EIF2S1: variants seen among roughly 807,000 people sequenced by gnomAD.
The protein encoded by EIF2S1 is eukaryotic translation initiation factor 2 subunit alpha.
Under a neutral mutation model 33.5 loss-of-function variants are expected in EIF2S1, and 5 were observed. That is an observed-to-expected ratio of 0.15 (90% CI 0.08 to 0.31). The LOEUF is 0.31. Ranked by LOEUF, EIF2S1 falls within the 10% of genes least tolerant of loss-of-function variation. The probability of loss-of-function intolerance (pLI) is 1.00; values close to 1 mark genes in which losing one functional copy is unlikely to be tolerated. For synonymous variants in EIF2S1, 99 were observed against 127.5 expected (o/e 0.78, Z 1.51); for missense variants, 191 against 384.6 (o/e 0.50, Z 4.21).
intron 2 of EIF2S1, among the ~76,000 whole-genome samples, chr14:67,369,016 T>C (rs377691961): frequency 6.6e-6 from 1 of 152,226 alleles, no homozygotes; most frequent in South Asian, 2.1e-4. Flanking sequence ...GGTATTCAAT[T>C]ATTCAGTTAT....
At chr14:67,375,578 A>G (rs372539364) in intron 3 of EIF2S1, among the ~76,000 whole-genome samples, 45 of 152,180 alleles carry the variant, frequency 3.0e-4, no homozygotes, top group African/African-American at 9.2e-4. Flanking sequence ...ATCTTGCTTA[A>G]TCCCAGTAAG....
At chr14:67,367,448 C>G (rs1200538043) in intron 2 of EIF2S1, among the ~76,000 whole-genome samples, 1 of 152,204 alleles carries the variant, frequency 6.6e-6, no homozygotes, top group Non-Finnish European at 1.5e-5. Flanking sequence ...CCAGAATGGT[C>G]TTGATCTCCT....
chr14:67,372,584 A>G (rs907235879), intron 2 of EIF2S1, among the ~76,000 whole-genome samples: 3 of 152,232 alleles, frequency 2.0e-5, no homozygotes, highest in Admixed American at 2.0e-4. Flanking sequence ...TTATCCCAGC[A>G]CTTTGGGAGG....
intron 2 of EIF2S1, among the ~76,000 whole-genome samples, chr14:67,372,820 C>A: frequency 6.8e-6 from 1 of 146,396 alleles, no homozygotes; most frequent in African/African-American, 2.6e-5. Context: ...GAGCAAGACT[C>A]CATCTCAAAA....
At chr14:67,377,830 A>G (rs906791861) in intron 4 of EIF2S1, among the ~76,000 whole-genome samples, 4 of 152,042 alleles carry the variant, frequency 2.6e-5, no homozygotes, top group African/African-American at 7.2e-5. Flanking sequence ...ACACTTGGCT[A>G]TGTGTGGTAG....
intron 5 of EIF2S1, 131 bp from the exon 6 acceptor site, chr14:67,381,462 A>G: frequency 4.3e-6 from 2 of 469,982 alleles, no homozygotes; most frequent in Non-Finnish European, 7.8e-6. Flanking sequence ...TAAATAAGGA[A>G]CTGCAGTATA....
intron 7 of EIF2S1, chr14:67,382,830 CAGAATT>C: frequency 1.9e-6 from 1 of 528,704 alleles, no homozygotes; most frequent in Non-Finnish European, 3.3e-6. Flanking sequence ...AATTTGATCT[CAGAATT>C]GGAGAAAAAA....
intron 4 of EIF2S1, among the ~76,000 whole-genome samples, chr14:67,379,520 T>C (rs986323403): frequency 5.9e-5 from 9 of 152,208 alleles, no homozygotes; most frequent in African/African-American, 2.2e-4. Context: ...CGTTACTTTA[T>C]GTTAGCTGAG....
chr14:67,378,983 G>T (rs1247457493), intron 4 of EIF2S1, among the ~76,000 whole-genome samples: 1 of 151,824 alleles, frequency 6.6e-6, no homozygotes, highest in East Asian at 1.9e-4. Context: ...GTATCTTTTT[G>T]TAGCTTGCAT....
In EIF2S1 at chr14:67,383,392, G is replaced by A. The variant is rs1434493251; in HGVS notation, c.900G>A (p.Val300=). 2 of 1,613,716 alleles carry A rather than the reference G, an allele frequency of 1.2e-6. No homozygotes were observed. The highest frequency in any genetic ancestry group is 1.7e-6 in the Non-Finnish European group (2 of 1,179,734). Residue 300 remains valine, a synonymous_variant, in exon 8 of 8, where the codon GTG becomes GTA. Transcript: ENST00000256383. ...GGCTTGAAAGAGAAAATGCCGAAGT[G>A]GATGGAGATGATGATGCAGAAGAAA... ...MERLERENAE[V]DGDDDAEEME...
In EIF2S1 at chr14:67,380,708, G is replaced by A; in HGVS notation, c.523G>A (p.Val175Ile). The A allele has an allele frequency of 6.3e-7, 1 of 1,586,658 alleles. No individual in the cohort carries two copies. ...AGATTTGAATGAAGATGAACGGGAA[G>A]TACTCATTAATAATATTAATAGGCG... ...SLDLNEDERE[V>I]LINNINRRLT... is the part of the protein sequence containing the mutation. Residue 175 changes from valine to isoleucine, a missense_variant, in exon 5 of 8, where the codon GTA becomes ATA. Coordinates refer to ENST00000256383, the MANE Select transcript of EIF2S1 (RefSeq NM_004094.5).
intron 4 of EIF2S1, among the ~76,000 whole-genome samples, chr14:67,378,596 G>T (rs1387594818): frequency 2.6e-5 from 4 of 152,100 alleles, no homozygotes; most frequent in Non-Finnish European, 5.9e-5. Flanking sequence ...TTTCTGTCCT[G>T]CAGTCCTCAG....
At chr14:67,362,476 C>T (rs2085749352) in intron 1 of EIF2S1, among the ~76,000 whole-genome samples, 1 of 152,054 alleles carries the variant, frequency 6.6e-6, no homozygotes, top group Non-Finnish European at 1.5e-5. Context: ...AATGTTTTTA[C>T]GTATACATGT....
intron 4 of EIF2S1, among the ~76,000 whole-genome samples, chr14:67,380,326 T>G (rs2085881259): frequency 1.4e-5 from 2 of 139,690 alleles, no homozygotes; most frequent in Admixed American, 1.4e-4. Context: ...TTTTTCCATG[T>G]TTTTTTTTTC....
At chr14:67,363,438 CTG>C (rs1202583571) in intron 1 of EIF2S1, among the ~76,000 whole-genome samples, 6 of 152,004 alleles carry the variant, frequency 3.9e-5, no homozygotes, top group Non-Finnish European at 8.8e-5. Context: ...TACTCTGGCA[CTG>C]AATATATATT....
chr14:67,367,585 C>T (rs748960395), intron 2 of EIF2S1, among the ~76,000 whole-genome samples: 8 of 152,348 alleles, frequency 5.3e-5, no homozygotes, highest in Non-Finnish European at 7.3e-5. Flanking sequence ...CTCATAAATA[C>T]GGTGCATGGA....
chr14:67,370,992 A>G (rs1286384966), intron 2 of EIF2S1, among the ~76,000 whole-genome samples: 2 of 151,908 alleles, frequency 1.3e-5, no homozygotes, highest in South Asian at 2.1e-4. Flanking sequence ...TCATGCCACT[A>G]CACTCCAGCC....
At chr14:67,360,551 C>T in intron 1 of EIF2S1, 95 bp downstream of exon 1, 1 of 226,470 alleles carries the variant, frequency 4.4e-6, no homozygotes, top group Non-Finnish European at 8.5e-6. Context: ...GGGCTAATAC[C>T]TCCCTTTCCC....
At chr14:67,363,238 GAAAC>G (rs892119247) in intron 1 of EIF2S1, among the ~76,000 whole-genome samples, 34 of 150,444 alleles carry the variant, frequency 2.3e-4, no homozygotes, top group Middle Eastern at 3.4e-3. Context: ...GTTTAAAAAC[GAAAC>G]AAACAGTCAG....
Sources: allele counts gnomAD v4.1 joint callset (sites outside exome capture counted in the v4.1 genomes callset), GRCh38; gene constraint gnomAD v4.1.1; transcripts MANE v1.5; gene names NCBI Gene and HGNC (gene_info 2026-07-23, HGNC 2026-07-21).